Variants in DNAH12 observed in about 807,000 individuals in gnomAD.
The protein encoded by DNAH12 is dynein axonemal heavy chain 12.
In DNAH12, 285 loss-of-function variants were observed where a neutral mutation model predicts 371.5. The observed-to-expected ratio is 0.77, with a 90% CI of 0.70 to 0.85. The LOEUF is 0.85. Ranked by LOEUF, DNAH12 falls within the 40% of genes least tolerant of loss-of-function variation. DNAH12 has a pLI of 0.00. For missense variants in DNAH12, 3,611 were observed against 3,689.4 expected (o/e 0.98, Z 0.55); for synonymous variants, 1,200 against 1,213.0 (o/e 0.99, Z 0.22).
chr3:57,471,772 CA>C (rs1178016326), intron 14 of DNAH12, among the ~76,000 whole-genome samples, 166 bp from the exon 15 acceptor site: 1 of 151,798 alleles, frequency 6.6e-6, no homozygotes. Flanking sequence ...AAGAATAAAC[CA>C]CACAGAAAAA....
intron 16 of DNAH12, among the ~76,000 whole-genome samples, chr3:57,469,615 T>A (rs1410555422): frequency 6.6e-6 from 1 of 152,112 alleles, no homozygotes; most frequent in Non-Finnish European, 1.5e-5. Context: ...ATAAAAAAAA[T>A]TTGGTACATA....
At chr3:57,454,752 C>T in intron 23 of DNAH12, 23 bp downstream of exon 23, 1 of 1,548,666 alleles carries the variant, frequency 6.5e-7, no homozygotes, top group East Asian at 2.4e-5. Context: ...AAGGATGTTA[C>T]TTAAAAGCAA....
chr3:57,399,543 CTT>C (rs2063813567), intron 43 of DNAH12, among the ~76,000 whole-genome samples: 2 of 152,154 alleles, frequency 1.3e-5, no homozygotes, highest in South Asian at 2.1e-4. Context: ...CAAAAATAGA[CTT>C]TAAGTCAAAA....
intron 11 of DNAH12, among the ~76,000 whole-genome samples, chr3:57,495,005 T>G (rs988887747): frequency 2.4e-5 from 2 of 85,096 alleles, no homozygotes; most frequent in African/African-American, 4.2e-5. Flanking sequence ...CAAGACCCTG[T>G]CTCAAAAAAA....
intron 73 of DNAH12, 35 bp downstream of exon 73, chr3:57,295,489 TA>T: frequency 6.5e-7 from 1 of 1,534,834 alleles, no homozygotes; most frequent in South Asian, 1.2e-5. Context: ...TTATTCTCCC[TA>T]AACTTCAAAT....
intron 58 of DNAH12, among the ~76,000 whole-genome samples, chr3:57,359,999 T>G (rs2062888414): frequency 6.6e-6 from 1 of 152,312 alleles, no homozygotes; most frequent in South Asian, 2.1e-4. Context: ...GTCCTATCAT[T>G]TATTATATTT....
At chr3:57,302,567 A>ATATATATATATTTTTTTTTTTT (rs2061380979) in intron 69 of DNAH12, among the ~76,000 whole-genome samples, 2 of 27,480 alleles carry the variant, frequency 7.3e-5, no homozygotes, top group Non-Finnish European at 6.3e-5. Context: ...ATATATATGT[A>ATATATATATATTTTTTTTTTTT]TTTTTTTTTT....
At chr3:57,338,674 C>A (rs544044054) in intron 60 of DNAH12, among the ~76,000 whole-genome samples, 1 of 148,528 alleles carries the variant, frequency 6.7e-6, no homozygotes, top group Admixed American at 6.7e-5. Context: ...GCCACCCCGT[C>A]TGGGAAGTGA....
rs553312144 is a variant in DNAH12, at chr3:57,419,050, C to T, written c.5714+317G>A. On this transcript the variant is annotated intron_variant, in intron 37 of 73. Transcript: ENST00000495027. ...TGGTTACTTTGATGTCTCAGGAGTA[C>T]GCTGAATCTTTAATTAGACTGCATA... 6.6e-5 allele frequency among the ~76,000 whole-genome samples: 10 copies of T among 152,234 alleles called. No individual in the cohort carries two copies. In the South Asian group the frequency reaches 8.3e-4, roughly 13 times the overall value.
At chr3:57,443,544 TTTG>T (rs2065377241) in intron 29 of DNAH12, among the ~76,000 whole-genome samples, 1 of 152,212 alleles carries the variant, frequency 6.6e-6, no homozygotes, top group Non-Finnish European at 1.5e-5. Flanking sequence ...GTGTCTTATT[TTTG>T]TTATTTTAAA....
intron 30 of DNAH12, 119 bp from the exon 31 acceptor site, chr3:57,433,947 A>AT: frequency 1.1e-6 from 1 of 883,638 alleles, no homozygotes; most frequent in African/African-American, 1.7e-5. Context: ...AATCATATGA[A>AT]TTTTTCTCAG....
chr3:57,361,935 A>G lies in DNAH12; in HGVS notation c.9360+1659T>C, dbSNP rs904534464. Among the ~76,000 whole-genome samples, 437 of 152,284 alleles carry G rather than the reference A, an allele frequency of 2.9e-3. 2 individuals are homozygous for G. The highest frequency in any genetic ancestry group is 9.9e-3 in the African/African-American group (413 of 41,540). On this transcript the variant is annotated intron_variant, in intron 58 of 73. Coordinates refer to ENST00000495027, the MANE Select transcript of DNAH12 (RefSeq NM_001366028.2). The stretch of plus-strand genomic sequence containing the variant: ...ATGTGCAGGTTTGTTACACATGTAT[A>G]CAAGTACCATGTTGGTTTGCTGCAC...
Position 57,469,001 on chromosome 3 carries a change from T to C in DNAH12, c.2106-22A>G, listed in dbSNP as rs766160127. On this transcript the variant is annotated intron_variant, in intron 16 of 73. Coordinates refer to ENST00000495027, the MANE Select transcript of DNAH12 (RefSeq NM_001366028.2). ...CCACCTGAATGGAAAGAAAAAATAT[T>C]ATTAAACTCAGACTTTTGAAGTTTG... 2.3e-5 allele frequency: 34 copies of C among 1,511,048 alleles called. No homozygotes were observed. In the East Asian group the frequency reaches 8.3e-4, roughly 37 times the overall value. The allele number at this position is 1,511,048 out of a possible 1,614,324, so 93.6% of individuals were successfully genotyped here.
intron 2 of DNAH12, among the ~76,000 whole-genome samples, chr3:57,537,605 T>C (rs978201997): frequency 6.6e-6 from 1 of 152,110 alleles, no homozygotes; most frequent in Non-Finnish European, 1.5e-5. Context: ...CCAAAGTCCA[T>C]GGCCACCCAG....
intron 34 of DNAH12, among the ~76,000 whole-genome samples, chr3:57,426,441 G>A (rs2064769908): frequency 6.6e-6 from 1 of 152,186 alleles, no homozygotes; most frequent in East Asian, 1.9e-4. Context: ...GGTCAGAATT[G>A]AGATACTATA....
chr3:57,344,717 C>A (rs1003720295), intron 60 of DNAH12, among the ~76,000 whole-genome samples: 1 of 152,106 alleles, frequency 6.6e-6, no homozygotes, highest in African/African-American at 2.4e-5. Context: ...CATGTTCTCA[C>A]TTATATGCAG....
chr3:57,369,047 A>G lies in DNAH12; in HGVS notation c.8760-787T>C, dbSNP rs890166367. ...CATGGTGAAAGCCCGTCTCTACTAA[A>G]AAAAAAGTAAATAAATACAAAAATT... is the stretch of plus-strand genomic sequence containing the variant. On this transcript the variant is annotated intron_variant, in intron 55 of 73. Transcript: ENST00000495027. Among the ~76,000 whole-genome samples, 106 of 151,802 alleles carry G rather than the reference A, an allele frequency of 7.0e-4. 1 individual carries two copies. Among genetic ancestry groups the G allele is most frequent in the African/African-American group, 2.5e-3 (105 of 41,414 alleles).
upstream of DNAH12, among the ~76,000 whole-genome samples, chr3:57,548,071 A>G (rs922387550): frequency 1.3e-5 from 2 of 152,262 alleles, no homozygotes; most frequent in African/African-American, 2.4e-5. Flanking sequence ...GTAAGAGTTT[A>G]CAACAATGAT....
At chr3:57,371,014 C>T (rs1431707827) in intron 55 of DNAH12, among the ~76,000 whole-genome samples, 1 of 152,010 alleles carries the variant, frequency 6.6e-6, no homozygotes, top group Non-Finnish European at 1.5e-5. Context: ...AAAAAGTGTC[C>T]CCTGAAAATG....
Sources: gnomAD v4.1 joint callset for allele counts (sites outside exome capture counted in the v4.1 genomes callset) on GRCh38, gnomAD v4.1.1 for gene constraint, MANE v1.5 for transcripts, NCBI Gene and HGNC (gene_info 2026-07-23, HGNC 2026-07-21) for gene names.